Variants in EPHB1 observed in about 807,000 individuals in gnomAD.
EPHB1 encodes EPH receptor B1.
EPHB1 carries 30 observed loss-of-function variants against 94.4 expected under a neutral mutation model. The observed-to-expected ratio is 0.32, with a 90% CI of 0.24 to 0.43. EPHB1 has a LOEUF of 0.43. Among genes scored for constraint, EPHB1 ranks in the 20% least tolerant of loss-of-function variants. EPHB1 has a pLI of 1.00. For missense variants in EPHB1, 1,055 were observed against 1,308.3 expected (o/e 0.81, Z 2.99); for synonymous variants, 522 against 489.1 (o/e 1.07, Z -0.89).
At chr3:134,995,582 T>C (rs1340155004) in intron 3 of EPHB1, among the ~76,000 whole-genome samples, 1 of 152,058 alleles carries the variant, frequency 6.6e-6, no homozygotes. Flanking sequence ...CAAATGCAAA[T>C]TAAGACCACA....
intron 3 of EPHB1, among the ~76,000 whole-genome samples, chr3:134,966,204 T>C (rs1933739687): frequency 1.3e-5 from 2 of 152,158 alleles, no homozygotes; most frequent in African/African-American, 2.4e-5. Context: ...CAGTTGCTAA[T>C]TAGAGCAAGA....
chr3:135,091,213 C>A (rs1938539452), intron 3 of EPHB1, among the ~76,000 whole-genome samples: 2 of 152,102 alleles, frequency 1.3e-5, no homozygotes, highest in African/African-American at 4.8e-5. Context: ...AGAGTTGAGG[C>A]AGTTGGGATG....
intron 3 of EPHB1, among the ~76,000 whole-genome samples, chr3:135,025,158 CTTCT>C (rs1473846138): frequency 3.9e-4 from 26 of 66,590 alleles, no homozygotes; most frequent in South Asian, 5.8e-4. Context: ...TCCCTCCTTC[CTTCT>C]TTCTTTTTTT....
intron 3 of EPHB1, among the ~76,000 whole-genome samples, chr3:134,980,855 A>T (rs955937011): frequency 1.3e-5 from 2 of 152,262 alleles, no homozygotes; most frequent in East Asian, 3.9e-4. Context: ...ACATTGTATC[A>T]CCTTGGAGGG....
intron 3 of EPHB1, among the ~76,000 whole-genome samples, chr3:135,084,827 G>T (rs1938292364): frequency 6.6e-6 from 1 of 152,204 alleles, no homozygotes; most frequent in Admixed American, 6.5e-5. Context: ...TATCATGATG[G>T]ATGTTTGATA....
intron 3 of EPHB1, among the ~76,000 whole-genome samples, chr3:134,999,949 A>G (rs1335755288): frequency 3.3e-5 from 5 of 152,206 alleles, no homozygotes; most frequent in African/African-American, 9.7e-5. Flanking sequence ...TTCTGTCTCC[A>G]AAGATGTTAA....
intron 1 of EPHB1, chr3:134,840,440 T>G (rs1560257195): frequency 6.6e-6 from 1 of 152,210 alleles, no homozygotes; most frequent in Non-Finnish European, 1.5e-5. Flanking sequence ...AAAATGCATT[T>G]TTTTTTCTTT....
At chr3:135,233,623 A>G (rs544389739) in intron 12 of EPHB1, among the ~76,000 whole-genome samples, 19 of 152,336 alleles carry the variant, frequency 1.2e-4, no homozygotes, top group East Asian at 7.7e-4. Context: ...CAATGCCCCA[A>G]TGGGGACTCT....
rs188785642 is a variant in EPHB1 at position 134,990,080 on chromosome 3, C to A, written c.805+38028C>A. ...GTTGCTTTATCACAATTTCTCCTTACCAAATTCATTAATTTATCTCTTAGT... is the reference window on the plus strand; with the variant it reads ...GTTGCTTTATCACAATTTCTCCTTAACAAATTCATTAATTTATCTCTTAGT... On this transcript the variant is annotated intron_variant, in intron 3 of 15. Coordinates refer to ENST00000398015, the MANE Select transcript of EPHB1 (RefSeq NM_004441.5). 2.6e-5 allele frequency among the ~76,000 whole-genome samples: 4 copies of A among 152,262 alleles called. No individual in the cohort carries two copies. In the East Asian group the frequency reaches 7.7e-4, roughly 29 times the overall value.
intron 12 of EPHB1, among the ~76,000 whole-genome samples, chr3:135,220,638 T>G (rs1943255127): frequency 6.7e-6 from 1 of 149,450 alleles, no homozygotes; most frequent in Non-Finnish European, 1.5e-5. Flanking sequence ...TTTTTCAAAG[T>G]GACCTGTCAA....
intron 12 of EPHB1, among the ~76,000 whole-genome samples, chr3:135,229,454 G>A (rs1305155794): frequency 1.3e-5 from 2 of 152,186 alleles, no homozygotes; most frequent in African/African-American, 4.8e-5. Flanking sequence ...GCGGGGGCAG[G>A]AAGAGAGACT....
chr3:134,989,305 T>A (rs913988723), intron 3 of EPHB1, among the ~76,000 whole-genome samples: 2 of 152,204 alleles, frequency 1.3e-5, no homozygotes, highest in Non-Finnish European at 2.9e-5. Context: ...TTCTGAAGAT[T>A]TTTGTATTCA....
chr3:135,153,380 C>T (rs1941251886), intron 5 of EPHB1, among the ~76,000 whole-genome samples: 2 of 152,200 alleles, frequency 1.3e-5, no homozygotes, highest in South Asian at 2.1e-4. Context: ...ATTTTGCTTA[C>T]ACCATGTGAA....
chr3:134,902,325 G>A (rs548308806), intron 1 of EPHB1, among the ~76,000 whole-genome samples: 39 of 152,288 alleles, frequency 2.6e-4, no homozygotes, highest in African/African-American at 8.9e-4. Flanking sequence ...CCAGGAGGGT[G>A]TACAAGTTTT....
At chr3:134,849,744 G>A (rs1005215105) in intron 1 of EPHB1, among the ~76,000 whole-genome samples, 4 of 152,206 alleles carry the variant, frequency 2.6e-5, no homozygotes, top group Admixed American at 6.5e-5. Context: ...ACCAGCCCTC[G>A]CATGGCTGCC....
chr3:134,982,719 GAGGA>G (rs902304841), intron 3 of EPHB1, among the ~76,000 whole-genome samples: 2 of 152,158 alleles, frequency 1.3e-5, no homozygotes, highest in African/African-American at 4.8e-5. Flanking sequence ...GAAGAAACTG[GAGGA>G]AGGAAGAAAG....
At chr3:134,923,904 C>T (rs2038738506) in intron 1 of EPHB1, among the ~76,000 whole-genome samples, 1 of 152,166 alleles carries the variant, frequency 6.6e-6, no homozygotes, top group South Asian at 2.1e-4. Context: ...AAAACCCAAA[C>T]AATGCATCAT....
At chr3:134,857,406 G>A (rs1270115298) in intron 1 of EPHB1, among the ~76,000 whole-genome samples, 1 of 152,124 alleles carries the variant, frequency 6.6e-6, no homozygotes, top group African/African-American at 2.4e-5. Context: ...GATACAGGCA[G>A]TCTGGTTAGT....
intron 12 of EPHB1, among the ~76,000 whole-genome samples, chr3:135,234,465 A>G (rs1943601694): frequency 6.6e-6 from 1 of 152,140 alleles, no homozygotes; most frequent in Non-Finnish European, 1.5e-5. Context: ...GAGTCCTCTA[A>G]ACTGTTCCAA....
Sources: gnomAD v4.1 joint callset for allele counts (sites outside exome capture counted in the v4.1 genomes callset) on GRCh38, gnomAD v4.1.1 for gene constraint, MANE v1.5 for transcripts, NCBI Gene and HGNC (gene_info 2026-07-23, HGNC 2026-07-21) for gene names.